The following ZNF234 variants were observed in gnomAD, a reference collection of about 807,000 sequenced individuals.
ZNF234 encodes zinc finger protein 234.
A neutral mutation model predicts 10.3 loss-of-function variants in ZNF234; 4 were observed. The ratio of observed to expected loss-of-function variants is 0.39; its 90% CI spans 0.19 to 0.89. The LOEUF (loss-of-function observed/expected upper bound fraction) is 0.89, where lower values mean the gene tolerates loss of function less well. ZNF234 is among the 40% of genes least tolerant of loss of function. ZNF234 has a pLI of 0.38. For missense variants in ZNF234, 711 were observed against 836.1 expected, an observed-to-expected ratio of 0.85 and a Z score of 1.85; for synonymous variants, 258 against 280.1, an observed-to-expected ratio of 0.92 and a Z score of 0.79.
chr19:44,157,787 A>G lies in ZNF234; in HGVS notation c.1771A>G (p.Thr591Ala). Residue 591 changes from threonine (T) to alanine (A), a missense_variant, in exon 6 of 6, where the codon ACA becomes GCA. Coordinates refer to ENST00000426739, the MANE Select transcript of ZNF234 (RefSeq NM_006630.3). The stretch of plus-strand genomic sequence containing the variant: ...CCTTGACATGCATCAGAGGGTGCAC[A>G]CAGGAGAAAAACCCTATACATGTGG... ...LNLDMHQRVH[T>A]GEKPYTCGEC... 6.2e-7 allele frequency: 1 copy of G among 1,613,972 alleles called. No individual in the cohort carries two copies. Among genetic ancestry groups the G allele is most frequent in the Non-Finnish European group, 8.5e-7 (1 of 1,179,896 alleles).
At chr19:44,152,222 C>G (rs1968758842) in intron 5 of ZNF234, among the ~76,000 whole-genome samples, 1 of 152,186 alleles carries the variant, frequency 6.6e-6, no homozygotes. Context: ...TCCCCTCTCT[C>G]TCCCCACTGG....
At chr19:44,155,537 G>C (rs939784411) in intron 5 of ZNF234, among the ~76,000 whole-genome samples, 7 of 152,200 alleles carry the variant, frequency 4.6e-5, no homozygotes, top group African/African-American at 1.7e-4. Flanking sequence ...GGTTGGTCTT[G>C]CTGTCTCAGG....
intron 5 of ZNF234, among the ~76,000 whole-genome samples, chr19:44,153,160 T>TATATATATATATATA (rs1568552108): frequency 1.5e-4 from 10 of 64,928 alleles, no homozygotes; most frequent in African/African-American, 1.0e-3. Flanking sequence ...TAATCATGTA[T>TATATATATATATATA]TCATCATATA....
At position 44,156,453 on chromosome 19, in the gene ZNF234, A is replaced by C. The variant is rs1599702567; in HGVS notation, c.437A>C (p.Lys146Thr). 1.2e-6 allele frequency: 2 copies of C among 1,613,688 alleles called. No homozygotes were observed. The highest frequency in any genetic ancestry group is 1.7e-6 in the Non-Finnish European group (2 of 1,179,850). The change falls in exon 6 of 6, where the codon AAA becomes ACA. Residue 146 changes from lysine to threonine, a missense_variant. Physicochemically the swap from Lys to Thr is moderately conservative, Grantham distance 78 (BLOSUM62 -1). Coordinates refer to ENST00000426739, the MANE Select transcript of ZNF234 (RefSeq NM_006630.3). ...AGLYTTHTGQ[K>T]FYQCDEYKKS... The stretch of plus-strand genomic sequence containing the variant: ...CTATATACAACTCACACAGGACAGA[A>C]ATTTTACCAATGTGATGAGTACAAA...
rs372253080 is a variant in ZNF234 at position 44,156,376 on chromosome 19, T to C, written c.360T>C (p.Ser120=). 6 of 1,613,598 alleles carry C rather than the reference T, an allele frequency of 3.7e-6. No individual in the cohort carries two copies. In the Middle Eastern group the frequency reaches 5.0e-4, roughly 133 times the overall value. ...DLIKYEDSMI[S]ISRFPRQGDL... is the part of the protein sequence containing the mutation. ...TCAAGTATGAAGACTCTATGATAAG[T>C]ATTTCTCGGTTCCCCAGACAAGGTG... Residue 120 remains serine (S), a synonymous_variant, in exon 6 of 6, where the codon AGT becomes AGC. Transcript: ENST00000426739.
intron 5 of ZNF234, among the ~76,000 whole-genome samples, chr19:44,152,464 T>C (rs1042805465): frequency 6.6e-6 from 1 of 152,228 alleles, no homozygotes; most frequent in Admixed American, 6.5e-5. Context: ...TGTTTTCTGA[T>C]GGCTGCACAT....
chr19:44,152,696 C>G (rs1968772344), intron 5 of ZNF234, among the ~76,000 whole-genome samples: 1 of 152,236 alleles, frequency 6.6e-6, no homozygotes, highest in Middle Eastern at 3.4e-3. Context: ...ATAGCTCCCC[C>G]CACAAGAAGA....
intron 5 of ZNF234, among the ~76,000 whole-genome samples, chr19:44,151,136 C>T (rs191866617): frequency 1.8e-4 from 28 of 152,206 alleles, no homozygotes; most frequent in East Asian, 3.9e-4. Flanking sequence ...TCCTCCTCTG[C>T]GTCTCTGACT....
chr19:44,142,963 A>G (rs1411464135), intron 2 of ZNF234, among the ~76,000 whole-genome samples: 1 of 152,104 alleles, frequency 6.6e-6, no homozygotes, highest in Non-Finnish European at 1.5e-5. Context: ...ACATTTCTCA[A>G]TGTTTTTCTA....
At chr19:44,148,007 T>C (rs1286344087) in intron 3 of ZNF234, among the ~76,000 whole-genome samples, 1 of 152,178 alleles carries the variant, frequency 6.6e-6, no homozygotes, top group African/African-American at 2.4e-5. Context: ...TATACAGTCA[T>C]GAAATGAGGT....
In ZNF234 at chr19:44,156,816, G is replaced by T; in HGVS notation, c.800G>T (p.Arg267Met). 1 of 1,609,036 alleles carries T rather than the reference G, an allele frequency of 6.2e-7. No homozygotes were observed. Among genetic ancestry groups the T allele is most frequent in the Non-Finnish European group, 8.5e-7 (1 of 1,176,420 alleles). Residue 267 changes from arginine (R) to methionine (M), a missense_variant, in exon 6 of 6, where the codon AGG (arginine) becomes ATG (methionine). Transcript: ENST00000426739. ...EKPYNCEECG[R>M]AFIHASHLQE... is the part of the protein sequence containing the mutation. ...CCTTACAATTGTGAGGAATGTGGAAGGGCCTTCATACATGCTTCCCATCTT... is the reference window on the plus strand; with the variant it reads ...CCTTACAATTGTGAGGAATGTGGAATGGCCTTCATACATGCTTCCCATCTT...
At position 44,158,399 on chromosome 19, in the gene ZNF234, A is replaced by G. The variant is rs1165318324; in HGVS notation, c.*280A>G. 2.5e-6 allele frequency: 1 copy of G among 397,336 alleles called. No homozygotes were observed. 24.6% of individuals were successfully genotyped at this position (397,336 alleles called of 1,614,324 possible). ...CAGTGGATTACAGGTGCACACCACC[A>G]CGCCTGGCTAATTTTTGTATTTTTA... is the stretch of plus-strand genomic sequence containing the variant. On this transcript the variant is annotated 3_prime_UTR_variant, in exon 6 of 6. Transcript: ENST00000426739.
chr19:44,156,880 C>A lies in ZNF234; in HGVS notation c.864C>A (p.Phe288Leu). ...GAATTCATACTGGGGAGAAACCATT[C>A]AAATGTGATACATGTGGTAAGAACT... ...HQRIHTGEKP[F>L]KCDTCGKNFR... The change falls in exon 6 of 6, where the codon TTC (phenylalanine) becomes TTA (leucine). Residue 288 changes from phenylalanine (F) to leucine (L), a missense_variant. Coordinates refer to ENST00000426739, the MANE Select transcript of ZNF234 (RefSeq NM_006630.3). 1 of 1,613,606 alleles carries A rather than the reference C, an allele frequency of 6.2e-7. No homozygotes were observed. The highest frequency in any genetic ancestry group is 8.5e-7 in the Non-Finnish European group (1 of 1,179,662).
intron 4 of ZNF234, among the ~76,000 whole-genome samples, chr19:44,149,451 A>T (rs1344629596): frequency 6.6e-6 from 1 of 152,182 alleles, no homozygotes; most frequent in African/African-American, 2.4e-5. Flanking sequence ...GTCTCAAAAA[A>T]AAAAGACATT....
At chr19:44,155,752 T>C (rs952996471) in intron 5 of ZNF234, among the ~76,000 whole-genome samples, 4 of 152,182 alleles carry the variant, frequency 2.6e-5, no homozygotes, top group Non-Finnish European at 4.4e-5. Flanking sequence ...TTATATTATC[T>C]ACATTTTTTT....
intron 2 of ZNF234, among the ~76,000 whole-genome samples, chr19:44,144,338 T>C (rs529658462): frequency 1.2e-3 from 178 of 152,344 alleles, no homozygotes; most frequent in Non-Finnish European, 1.9e-3. Context: ...CATGAGTCAG[T>C]ACTTCATTCC....
chr19:44,147,068 C>T (rs1200269816), intron 3 of ZNF234, among the ~76,000 whole-genome samples: 1 of 151,844 alleles, frequency 6.6e-6, no homozygotes, highest in Admixed American at 6.6e-5. Flanking sequence ...CCTGCCTCGG[C>T]CTCCCAAAGT....
intron 5 of ZNF234, among the ~76,000 whole-genome samples, chr19:44,152,436 G>A (rs1054038143): frequency 1.3e-5 from 2 of 152,174 alleles, no homozygotes; most frequent in East Asian, 1.9e-4. Flanking sequence ...TGAATGAAGG[G>A]GGTTGCAGAA....
chr19:44,148,989 T>G, intron 4 of ZNF234, 92 bp downstream of exon 4: 1 of 1,456,162 alleles, frequency 6.9e-7, no homozygotes, highest in Non-Finnish European at 9.2e-7. Context: ...CTTGAATTAG[T>G]CGCCTACATT....
Sources: allele counts gnomAD v4.1 joint callset (sites outside exome capture counted in the v4.1 genomes callset), GRCh38; gene constraint gnomAD v4.1.1; transcripts MANE v1.5; gene names NCBI Gene and HGNC (gene_info 2026-07-23, HGNC 2026-07-21).